Variants in NCK2 observed in about 807,000 individuals in gnomAD.
The protein encoded by NCK2 is NCK adaptor protein 2.
NCK2 carries 16 observed loss-of-function variants against 33.9 expected under a neutral mutation model. The ratio of observed to expected loss-of-function variants is 0.47; its 90% CI spans 0.32 to 0.72. The LOEUF (loss-of-function observed/expected upper bound fraction) is 0.72. NCK2 is among the 30% of genes least tolerant of loss of function. NCK2 has a pLI of 0.03. For synonymous variants in NCK2, 273 were observed against 239.9 expected (o/e 1.14, Z -1.27); for missense variants, 418 against 537.3 (o/e 0.78, Z 2.19).
At chr2:105,769,122 T>C (rs1239563750) in intron 1 of NCK2, among the ~76,000 whole-genome samples, 1 of 152,202 alleles carries the variant, frequency 6.6e-6, no homozygotes, top group African/African-American at 2.4e-5. Context: ...TCAGGTGTGG[T>C]GCACTGGGGC....
chr2:105,893,095 G>C lies in NCK2; in HGVS notation c.1062G>C (p.Glu354Asp). 1 of 1,614,048 alleles carries C rather than the reference G, an allele frequency of 6.2e-7. No homozygotes were observed. The highest frequency in any genetic ancestry group is 8.5e-7 in the Non-Finnish European group (1 of 1,179,974). ...IGQRRFHTMD[E>D]LVEHYKKAPI... ...AGCGGCGCTTCCACACCATGGACGA[G>C]CTGGTGGAACACTACAAAAAGGCGC... Residue 354 changes from glutamate (E) to aspartate (D), a missense_variant, in exon 5 of 5, where the codon GAG becomes GAC. Physicochemically the swap from Glu to Asp is conservative, Grantham distance 45. Coordinates refer to ENST00000233154, the MANE Select transcript of NCK2 (RefSeq NM_003581.5).
chr2:105,884,713 G>A (rs948202814), intron 4 of NCK2, among the ~76,000 whole-genome samples: 2 of 152,210 alleles, frequency 1.3e-5, no homozygotes, highest in Admixed American at 6.5e-5. Context: ...TATGTTAGAT[G>A]AATCAGTGAA....
At chr2:105,802,656 A>G (rs924249801) in intron 1 of NCK2, among the ~76,000 whole-genome samples, 1 of 152,194 alleles carries the variant, frequency 6.6e-6, no homozygotes, top group African/African-American at 2.4e-5. Flanking sequence ...CCCACTCATC[A>G]CCACGAGGAA....
chr2:105,860,698 G>A (rs564233998), intron 3 of NCK2, among the ~76,000 whole-genome samples: 6 of 152,042 alleles, frequency 3.9e-5, no homozygotes, highest in African/African-American at 9.6e-5. Flanking sequence ...ATGAAGAAAC[G>A]TGGAAAGCTC....
Position 105,881,717 on chromosome 2 carries a change from T to G in NCK2, c.616T>G (p.Phe206Val). The G allele has an allele frequency of 6.2e-7, 1 of 1,614,174 alleles. No homozygotes were observed. The highest frequency in any genetic ancestry group is 8.5e-7 in the Non-Finnish European group (1 of 1,180,030). Reference sequence around the variant, plus strand: ...GCATGTGGTCCAGACGCTGTACCCCTTCAGCTCAGTCACCGAGGAGGAGCT... The same window carrying G: ...GCATGTGGTCCAGACGCTGTACCCCGTCAGCTCAGTCACCGAGGAGGAGCT... Reference protein sequence around the residue: ...VLHVVQTLYPFSSVTEEELNF... With the variant: ...VLHVVQTLYPVSSVTEEELNF... Residue 206 changes from phenylalanine to valine, a missense_variant, in exon 4 of 5, where the codon TTC (phenylalanine) becomes GTC (valine). Coordinates refer to ENST00000233154, the MANE Select transcript of NCK2 (RefSeq NM_003581.5).
chr2:105,769,769 G>C lies in NCK2; in HGVS notation c.-201+24631G>C, dbSNP rs181262773. Among the ~76,000 whole-genome samples, 34 of 150,170 alleles carry C rather than the reference G, an allele frequency of 2.3e-4. No homozygotes were observed. The East Asian group carries it at 6.5e-3, about 29-fold the overall frequency. On this transcript the variant is annotated intron_variant, in intron 1 of 4. Transcript: ENST00000233154. ...ACTGTGGCAGGGAATGCATGTGTCA[G>C]TGTGTCAGGCGTGGTCAGTAAAAGG...
chr2:105,804,822 A>T (rs984970785), intron 1 of NCK2, among the ~76,000 whole-genome samples: 1 of 152,224 alleles, frequency 6.6e-6, no homozygotes, highest in Non-Finnish European at 1.5e-5. Flanking sequence ...GTTGATATTC[A>T]TGGCCTGGCC....
intron 1 of NCK2, among the ~76,000 whole-genome samples, chr2:105,770,444 C>T (rs2104378740): frequency 6.6e-6 from 1 of 152,306 alleles, no homozygotes; most frequent in East Asian, 1.9e-4. Flanking sequence ...CAGTGCTTTT[C>T]TTACAACTAA....
chr2:105,777,217 C>A (rs918047456), intron 1 of NCK2, among the ~76,000 whole-genome samples: 10 of 152,150 alleles, frequency 6.6e-5, no homozygotes, highest in Admixed American at 5.9e-4. Context: ...GCTTTAGGAA[C>A]CTGCTGTCCC....
chr2:105,778,044 G>A (rs1449574701), intron 1 of NCK2, among the ~76,000 whole-genome samples: 2 of 152,190 alleles, frequency 1.3e-5, no homozygotes, highest in Non-Finnish European at 2.9e-5. Flanking sequence ...TTCTTCAGCT[G>A]TGCTTGGAGG....
At position 105,881,845 on chromosome 2, in the gene NCK2, C is replaced by T. The variant is rs1282287076; in HGVS notation, c.744C>T (p.Pro248=). The T allele has an allele frequency of 1.9e-6, 3 of 1,596,814 alleles. No individual in the cohort carries two copies. The highest frequency in any genetic ancestry group is 1.1e-5 in the South Asian group (1 of 87,764). Residue 248 remains proline, a synonymous_variant, in exon 4 of 5, where the codon CCC becomes CCT. Transcript: ENST00000233154. ...CCCGGGGCCAGGTGGGCCTCGTCCC[C>T]AAAAACTACGTGGTGGTCCTCAGTG... The part of the protein sequence containing the change: ...KNARGQVGLV[P]KNYVVVLSDG...
chr2:105,815,791 CA>C (rs1675456506), intron 1 of NCK2, among the ~76,000 whole-genome samples: 1 of 152,224 alleles, frequency 6.6e-6, no homozygotes, highest in South Asian at 2.1e-4. Flanking sequence ...AGTCTCTAAA[CA>C]ATATCCATGC....
chr2:105,855,382 G>A, intron 3 of NCK2, 93 bp downstream of exon 3: 1 of 749,218 alleles, frequency 1.3e-6, no homozygotes, highest in Admixed American at 3.1e-5. Flanking sequence ...AAAAAAAAAA[G>A]TCTGTTTTAA....
chr2:105,809,689 A>G (rs1264162064), intron 1 of NCK2, among the ~76,000 whole-genome samples: 1 of 152,222 alleles, frequency 6.6e-6, no homozygotes, highest in East Asian at 1.9e-4. Context: ...GATGCACTTC[A>G]TGGTGTAATC....
At chr2:105,744,731 G>C (rs1343622645), upstream of NCK2, among the ~76,000 whole-genome samples, 1 of 150,682 alleles carries the variant, frequency 6.6e-6, no homozygotes, top group Non-Finnish European at 1.5e-5. Flanking sequence ...GGGCGCCCCA[G>C]GTGGGTCTCG....
intron 4 of NCK2, 137 bp from the exon 5 acceptor site, chr2:105,892,845 C>CAAAAA: frequency 3.0e-5 from 14 of 470,002 alleles, no homozygotes; most frequent in South Asian, 7.7e-5. Context: ...AACTCCATCT[C>CAAAAA]AAAAAAAAAA....
intron 2 of NCK2, among the ~76,000 whole-genome samples, chr2:105,834,653 T>C (rs1017544526): frequency 0.011 from 11 of 1,042 alleles, no homozygotes; most frequent in African/African-American, 0.077. Flanking sequence ...ATTAAAGGGT[T>C]TTTTTTTCAA....
intron 1 of NCK2, among the ~76,000 whole-genome samples, chr2:105,788,843 A>C (rs1438133477): frequency 6.6e-6 from 1 of 152,210 alleles, no homozygotes; most frequent in African/African-American, 2.4e-5. Context: ...ATCTGTGTTA[A>C]TTCTGTTGTG....
At chr2:105,877,228 C>A (rs1456205886) in intron 3 of NCK2, among the ~76,000 whole-genome samples, 1 of 152,194 alleles carries the variant, frequency 6.6e-6, no homozygotes, top group Non-Finnish European at 1.5e-5. Flanking sequence ...AGGCACCCTT[C>A]CCCTCCCTCC....
Sources: gnomAD v4.1 joint callset for allele counts (sites outside exome capture counted in the v4.1 genomes callset) on GRCh38, gnomAD v4.1.1 for gene constraint, MANE v1.5 for transcripts, NCBI Gene and HGNC (gene_info 2026-07-23, HGNC 2026-07-21) for gene names.